Variants in ABCA4 observed in about 807,000 individuals in gnomAD.
ABCA4 encodes the protein ATP binding cassette subfamily A member 4.
ABCA4 carries 196 observed loss-of-function variants against 263.7 expected under a neutral mutation model. That is an observed-to-expected ratio of 0.74 (90% CI 0.66 to 0.84). ABCA4 has a LOEUF of 0.84. ABCA4 is among the 40% of genes least tolerant of loss of function. The pLI is 0.00. For missense variants in ABCA4, 2,792 were observed against 2,855.1 expected (o/e 0.98, Z 0.50); for synonymous variants, 1,133 against 1,094.2 (o/e 1.04, Z -0.70).
intron 3 of ABCA4, among the ~76,000 whole-genome samples, chr1:94,109,761 G>A (rs886113318): frequency 6.6e-6 from 1 of 152,198 alleles, no homozygotes; most frequent in Non-Finnish European, 1.5e-5. Flanking sequence ...TTGGCTCTGT[G>A]AGAATGTCTA....
At chr1:94,041,185 G>A in intron 23 of ABCA4, 24 bp downstream of exon 23, 1 of 1,613,542 alleles carries the variant, frequency 6.2e-7, no homozygotes, top group Non-Finnish European at 8.5e-7. Context: ...CCAGGCCAGG[G>A]TCCTTCCCTG....
chr1:94,004,870 T>A (rs10874829), intron 44 of ABCA4, among the ~76,000 whole-genome samples: 12,163 of 152,304 alleles, frequency 0.08, 523 homozygotes, highest in African/African-American at 0.13. Context: ...ATACGTTTAC[T>A]TTCTTGTTTT....
chr1:94,120,899 T>TCCCCCCCCCCCCCCC, intron 1 of ABCA4, 81 bp downstream of exon 1: 1 of 136,412 alleles, frequency 7.3e-6, no homozygotes, highest in Non-Finnish European at 1.4e-5. Context: ...CCCACCACCC[T>TCCCCCCCCCCCCCCC]ACCCCACCAC....
intron 4 of ABCA4, among the ~76,000 whole-genome samples, chr1:94,106,645 T>C (rs1414913979): frequency 6.6e-6 from 1 of 152,222 alleles, no homozygotes; most frequent in Non-Finnish European, 1.5e-5. Flanking sequence ...GTAATGCAGT[T>C]TGTAGAAGTT....
chr1:94,108,868 G>GT, intron 3 of ABCA4, 152 bp from the exon 4 acceptor site: 1 of 993,754 alleles, frequency 1.0e-6, no homozygotes, highest in South Asian at 1.5e-5. Context: ...TGCCCCCCGG[G>GT]TTCACGCTAT....
chr1:93,998,193 G>C (rs1185011281), intron 47 of ABCA4, 83 bp from the exon 48 acceptor site: 5 of 1,598,584 alleles, frequency 3.1e-6, no homozygotes, highest in Non-Finnish European at 4.3e-6. Flanking sequence ...AGACTCATCA[G>C]AAATTTTGGG....
intron 6 of ABCA4, among the ~76,000 whole-genome samples, chr1:94,097,923 T>A (rs1474518433): frequency 2.6e-5 from 4 of 151,974 alleles, no homozygotes; most frequent in Non-Finnish European, 4.4e-5. Context: ...CTAATTTTTG[T>A]GTGTGTGTGT....
intron 4 of ABCA4, among the ~76,000 whole-genome samples, chr1:94,103,868 A>G (rs537745526): frequency 6.6e-6 from 1 of 152,294 alleles, no homozygotes; most frequent in Non-Finnish European, 1.5e-5. Flanking sequence ...GCCCTAGTCA[A>G]GCTCCCTCCA....
At chr1:94,080,974 T>C (rs538160992) in intron 7 of ABCA4, among the ~76,000 whole-genome samples, 30 of 152,172 alleles carry the variant, frequency 2.0e-4, no homozygotes, top group African/African-American at 6.7e-4. Context: ...CCTGTAATCC[T>C]AGCACTTTGG....
At chr1:94,029,245 T>C (rs1487807946) in intron 30 of ABCA4, among the ~76,000 whole-genome samples, 200 bp downstream of exon 30, 1 of 152,238 alleles carries the variant, frequency 6.6e-6, no homozygotes, top group East Asian at 1.9e-4. Context: ...ATGAAGCTTT[T>C]GGTGAGTGGC....
chr1:94,118,164 C>CG (rs1662853194), intron 1 of ABCA4, among the ~76,000 whole-genome samples: 1 of 152,084 alleles, frequency 6.6e-6, no homozygotes, highest in African/African-American at 2.4e-5. Context: ...TCATCAGTAC[C>CG]GGGGGGATCA....
chr1:94,098,827 A>C lies in ABCA4; in HGVS notation c.735T>G (p.Tyr245Ter), dbSNP rs1662208035. 6.8e-6 allele frequency: 11 copies of C among 1,614,160 alleles called. No individual in the cohort carries two copies. The highest frequency in any genetic ancestry group is 9.3e-6 in the Non-Finnish European group (11 of 1,180,018). Residue 245 changes from tyrosine to a stop codon, truncating the protein, a stop_gained, in exon 6 of 50, where the codon TAT (tyrosine) becomes TAG (stop). Coordinates refer to ENST00000370225, the MANE Select transcript of ABCA4 (RefSeq NM_000350.3). LOFTEE classifies it high-confidence loss of function. The part of the protein sequence containing the change: ...GTLQWIEDTL[Y>*]ANVDFFKLFR... ...AGAGCTTGAAGAAGTCCACGTTGGC[A>C]TACAGAGTGTCTTCTATCCACTGTA...
Position 94,040,117 on chromosome 1 carries a change from C to CTGCA in ABCA4, c.3529_3532dup (p.Ser1178MetfsTer6), listed in dbSNP as rs886044736. The CTGCA allele has an allele frequency of 6.2e-7, 1 of 1,607,884 alleles. No individual in the cohort carries two copies. Among genetic ancestry groups the CTGCA allele is most frequent in the Non-Finnish European group, 8.5e-7 (1 of 1,176,760 alleles). Reference sequence around the variant, plus strand: ...GGTGGAGAAACCCTTAGACGAGCAGCTGCAGGTCCCCTGCAACAGATGGAT... The same window carrying CTGCA: ...GGTGGAGAAACCCTTAGACGAGCAGCTGCATGCAGGTCCCCTGCAACAGATGGAT... On this transcript the variant is annotated frameshift_variant, in exon 24 of 50. Coordinates refer to ENST00000370225, the MANE Select transcript of ABCA4 (RefSeq NM_000350.3). LOFTEE classifies it high-confidence loss of function.
rs1020796297 is a variant in ABCA4, at chr1:93,997,990, C to G, written c.6600G>C (p.Glu2200Asp). 1.2e-6 allele frequency: 2 copies of G among 1,614,068 alleles called. No homozygotes were observed. The highest frequency in any genetic ancestry group is 2.7e-5 in the African/African-American group (2 of 74,930). ...QGNFPGSVQR[E>D]RHYNMLQFQV... ...GGAACTGGAGCATGTTGTAGTGCCT[C>G]TCCCTCTGCACACTGCCTGGGAAGT... The change falls in exon 48 of 50, where the codon GAG becomes GAC. Residue 2200 changes from glutamate (E) to aspartate (D), a missense_variant. Glu to Asp is a conservative substitution (Grantham distance 45). Coordinates refer to ENST00000370225, the MANE Select transcript of ABCA4 (RefSeq NM_000350.3).
At chr1:94,108,306 T>C (rs1662497569) in intron 4 of ABCA4, among the ~76,000 whole-genome samples, 1 of 152,194 alleles carries the variant, frequency 6.6e-6, no homozygotes. Flanking sequence ...AGCCTCATAC[T>C]TCCCATAGTG....
intron 23 of ABCA4, 102 bp downstream of exon 23, chr1:94,041,107 T>G: frequency 1.7e-6 from 2 of 1,192,990 alleles, no homozygotes; most frequent in South Asian, 2.5e-5. Context: ...ACACTGATTC[T>G]GGTGGCGAGA....
Position 94,108,616 on chromosome 1 carries a change from A to G in ABCA4, c.403T>C (p.Phe135Leu). Reference sequence around the variant, plus strand: ...GGGTGAGTCCGGAGGGTGTCCATGAATTGGGACAAGATGTGTAGCTCTGTC... The same window carrying G: ...GGGTGAGTCCGGAGGGTGTCCATGAGTTGGGACAAGATGTGTAGCTCTGTC... ...IWTELHILSQ[F>L]MDTLRTHPER... Residue 135 changes from phenylalanine (F) to leucine (L), a missense_variant, in exon 4 of 50, where the codon TTC becomes CTC. Coordinates refer to ENST00000370225, the MANE Select transcript of ABCA4 (RefSeq NM_000350.3). 6.2e-7 allele frequency: 1 copy of G among 1,613,814 alleles called. No individual in the cohort carries two copies. Among genetic ancestry groups the G allele is most frequent in the Non-Finnish European group, 8.5e-7 (1 of 1,180,018 alleles).
chr1:94,039,265 C>A (rs1660424044), intron 24 of ABCA4, among the ~76,000 whole-genome samples: 1 of 152,236 alleles, frequency 6.6e-6, no homozygotes, highest in Non-Finnish European at 1.5e-5. Flanking sequence ...TTGTAATGAT[C>A]AGACAACGCA....
chr1:94,009,060 A>G (rs1362381626), intron 40 of ABCA4, among the ~76,000 whole-genome samples, 189 bp from the exon 41 acceptor site: 1 of 152,082 alleles, frequency 6.6e-6, no homozygotes, highest in African/African-American at 2.4e-5. Context: ...TCAGGTGCTC[A>G]TGTCCAGAGT....
Sources: gnomAD v4.1 joint callset for allele counts (sites outside exome capture counted in the v4.1 genomes callset) on GRCh38, gnomAD v4.1.1 for gene constraint, MANE v1.5 for transcripts, NCBI Gene and HGNC (gene_info 2026-07-23, HGNC 2026-07-21) for gene names.